Variants in TMC5 observed in about 807,000 individuals in gnomAD.
The protein encoded by TMC5 is transmembrane channel-like protein 5.
A neutral mutation model predicts 110.5 loss-of-function variants in TMC5; 86 were observed. That is an observed-to-expected ratio of 0.78 (90% CI 0.65 to 0.93). The LOEUF (loss-of-function observed/expected upper bound fraction) is 0.93, where lower values mean the gene tolerates loss of function less well. TMC5 is among the 40% of genes least tolerant of loss of function. TMC5 has a pLI of 0.00. For missense variants in TMC5, 1,144 were observed against 1,222.8 expected (o/e 0.94, Z 0.96); for synonymous variants, 455 against 439.5 (o/e 1.04, Z -0.44).
intron 2 of TMC5, among the ~76,000 whole-genome samples, chr16:19,437,825 C>T (rs1481751535): frequency 6.6e-6 from 1 of 152,154 alleles, no homozygotes; most frequent in Non-Finnish European, 1.5e-5. Context: ...ATTGGAAGCT[C>T]CAGGCTTATG....
At chr16:19,478,685 C>T (rs183924054) in intron 13 of TMC5, among the ~76,000 whole-genome samples, 60 of 152,190 alleles carry the variant, frequency 3.9e-4, no homozygotes, top group Admixed American at 1.5e-3. Context: ...TATTCATCCA[C>T]GTATTCATTC....
At chr16:19,418,477 C>T (rs1966906028) in intron 1 of TMC5, among the ~76,000 whole-genome samples, 1 of 152,122 alleles carries the variant, frequency 6.6e-6, no homozygotes, top group South Asian at 2.1e-4. Context: ...CGGTGCACGA[C>T]AAACACGCAA....
chr16:19,468,835 T>C (rs552185050), intron 9 of TMC5, among the ~76,000 whole-genome samples: 1 of 152,236 alleles, frequency 6.6e-6, no homozygotes, highest in Admixed American at 6.5e-5. Flanking sequence ...TGTGGACTCA[T>C]TTTCTGATTA....
At chr16:19,494,172 G>A in intron 19 of TMC5, 90 bp from the exon 20 acceptor site, 2 of 1,017,680 alleles carry the variant, frequency 2.0e-6, no homozygotes, top group Non-Finnish European at 3.0e-6. Context: ...CCTGAAAACC[G>A]ACGTTCTTCC....
intron 5 of TMC5, among the ~76,000 whole-genome samples, chr16:19,454,184 A>C (rs1456271435): frequency 6.6e-6 from 1 of 152,098 alleles, no homozygotes; most frequent in Admixed American, 6.6e-5. Flanking sequence ...AGCAGTTGGG[A>C]TTACAGGCCC....
At chr16:19,449,367 T>G (rs1967695935) in intron 4 of TMC5, among the ~76,000 whole-genome samples, 175 bp from the exon 5 acceptor site, 1 of 152,200 alleles carries the variant, frequency 6.6e-6, no homozygotes, top group Non-Finnish European at 1.5e-5. Flanking sequence ...TGTTTTTGTA[T>G]TTTTGTCCTA....
intron 5 of TMC5, among the ~76,000 whole-genome samples, chr16:19,450,350 C>T (rs568194811): frequency 1.3e-5 from 2 of 152,236 alleles, no homozygotes; most frequent in African/African-American, 2.4e-5. Context: ...GTGCCTGGCA[C>T]GTAGTAGGTA....
At chr16:19,483,808 A>G (rs1387830982) in intron 15 of TMC5, among the ~76,000 whole-genome samples, 1 of 150,872 alleles carries the variant, frequency 6.6e-6, no homozygotes, top group Non-Finnish European at 1.5e-5. Flanking sequence ...AGAAAAGGCC[A>G]GGCACGGTGG....
At chr16:19,434,708 G>A (rs1967303285) in intron 2 of TMC5, among the ~76,000 whole-genome samples, 1 of 151,720 alleles carries the variant, frequency 6.6e-6, no homozygotes, top group Admixed American at 6.6e-5. Flanking sequence ...AAGTTGCCAG[G>A]GTTTACATTG....
Position 19,456,475 on chromosome 16 carries a change from CCTT to C in TMC5, c.1049-3757_1049-3755del, listed in dbSNP as rs373514840. 28 of 1,223,182 alleles carry C rather than the reference CCTT, an allele frequency of 2.3e-5. 1 individual carries two copies. The highest frequency in any genetic ancestry group is 6.6e-4 in the Middle Eastern group (2 of 3,016). 75.8% of individuals were successfully genotyped at this position (1,223,182 alleles called of 1,614,324 possible). A position where few individuals can be genotyped will look rare whatever the true frequency, so the allele number is the denominator to read the frequency against. On this transcript the variant is annotated intron_variant, in intron 5 of 21. Transcript: ENST00000542583. ...ACAGAATTCTCTGCAGGAAAACACT[CCTT>C]CTCCTGAGAAAACTCCTCAGGGGTT... is the stretch of plus-strand genomic sequence containing the variant.
chr16:19,487,857 A>AGG (rs1324264751), intron 17 of TMC5: 15 of 152,488 alleles, frequency 9.8e-5, no homozygotes, highest in Admixed American at 8.5e-4. Context: ...CTATGCCACA[A>AGG]GGGACCACAC....
intron 13 of TMC5, among the ~76,000 whole-genome samples, chr16:19,478,800 TCCATCCATTTAC>T (rs1377496021): frequency 6.6e-6 from 1 of 152,128 alleles, no homozygotes; most frequent in Non-Finnish European, 1.5e-5. Flanking sequence ...TCATCCATCA[TCCATCCATTTAC>T]CCATCCATCA....
At chr16:19,414,423 G>A (rs74013758), upstream of TMC5, among the ~76,000 whole-genome samples, 724 of 152,222 alleles carry the variant, frequency 4.8e-3, 5 homozygotes, top group African/African-American at 0.016. Flanking sequence ...TTCACCCTCT[G>A]GTGATAACTG....
At chr16:19,467,764 G>T (rs985234973) in intron 9 of TMC5, among the ~76,000 whole-genome samples, 1 of 151,644 alleles carries the variant, frequency 6.6e-6, no homozygotes, top group South Asian at 2.1e-4. Flanking sequence ...TTACAGGCGT[G>T]AGCCACTGCG....
chr16:19,489,331 TTTTTTTA>T (rs1379084364), intron 17 of TMC5, among the ~76,000 whole-genome samples: 2 of 152,140 alleles, frequency 1.3e-5, no homozygotes, highest in African/African-American at 4.8e-5. Context: ...TGGCTAATTA[TTTTTTTA>T]TTTTTTATTT....
intron 5 of TMC5, among the ~76,000 whole-genome samples, chr16:19,455,233 A>ACT (rs1967838671): frequency 6.6e-6 from 1 of 151,954 alleles, no homozygotes; most frequent in African/African-American, 2.4e-5. Context: ...GAATCACTTG[A>ACT]GGTCAGGAGT....
rs1284053284 is a variant in TMC5 at position 19,492,222 on chromosome 16, C to T, written c.2820C>T (p.Ile940=). The T allele has an allele frequency of 6.2e-7, 1 of 1,611,762 alleles. No homozygotes were observed. The highest frequency in any genetic ancestry group is 8.5e-7 in the Non-Finnish European group (1 of 1,177,966). Residue 940 remains isoleucine, a synonymous_variant, in exon 19 of 22, where the codon ATC becomes ATT. Coordinates refer to ENST00000542583, the MANE Select transcript of TMC5 (RefSeq NM_001261841.2). ...KIMIRLLHEQ[I]INEGKDKMFL... is the part of the protein sequence containing the mutation. ...TGATAAGGCTGCTCCATGAGCAGAT[C>T]ATTAATGTAAGTCCCCTTGGATCCC...
At chr16:19,490,751 CTTCCTTCCTTCCCTTCCT>C (rs878861426) in intron 18 of TMC5, among the ~76,000 whole-genome samples, 183 bp downstream of exon 18, 50,116 of 130,184 alleles carry the variant, frequency 0.38, 11,855 homozygotes, top group Non-Finnish European at 0.53. Context: ...TCCTTCCTTC[CTTCCTTCCTTCCCTTCCT>C]TTTTTTCTTT....
chr16:19,428,528 C>G (rs11864964), intron 1 of TMC5, among the ~76,000 whole-genome samples: 8,742 of 152,116 alleles, frequency 0.057, 399 homozygotes, highest in African/African-American at 0.13. Context: ...TGTTATAAGA[C>G]GCATTTGTTA....
Sources: allele counts gnomAD v4.1 joint callset (sites outside exome capture counted in the v4.1 genomes callset), GRCh38; gene constraint gnomAD v4.1.1; transcripts MANE v1.5; gene names NCBI Gene and HGNC (gene_info 2026-07-23, HGNC 2026-07-21).